The following SYMPK variants were observed in gnomAD, a reference collection of about 807,000 sequenced individuals.
The protein encoded by SYMPK is symplekin scaffold protein.
SYMPK carries 49 observed loss-of-function variants against 136.4 expected under a neutral mutation model. The observed-to-expected ratio is 0.36, with a 90% CI of 0.29 to 0.46. The LOEUF is 0.46. Ranked by LOEUF, SYMPK falls within the 20% of genes least tolerant of loss-of-function variation. The pLI is 1.00. For missense variants in SYMPK, 1,365 were observed against 1,690.0 expected (o/e 0.81, Z 3.37); for synonymous variants, 766 against 713.0 (o/e 1.07, Z -1.19).
At position 45,821,086 on chromosome 19, in the gene SYMPK, G is replaced by A. The variant is rs995187330; in HGVS notation, c.2893+298C>T. On this transcript the variant is annotated intron_variant, in intron 22 of 26. Coordinates refer to ENST00000245934, the MANE Select transcript of SYMPK (RefSeq NM_004819.3). The surrounding 1 kb of genome is among the most constrained non-coding windows in gnomAD (Gnocchi z 4.4). ...TCTGTTCCTCGGGGCTAGGGGTGGGGCTACCCAACTGCTTTAGGCCCACTC... is the reference window on the plus strand; with the variant it reads ...TCTGTTCCTCGGGGCTAGGGGTGGGACTACCCAACTGCTTTAGGCCCACTC... 4.6e-6 allele frequency: 3 copies of A among 648,490 alleles called. No homozygotes were observed. Among genetic ancestry groups the A allele is most frequent in the Non-Finnish European group, 8.3e-6 (3 of 361,126 alleles). The allele number at this position is 648,490 out of a possible 1,614,324, so 40.2% of individuals were successfully genotyped here.
chr19:45,821,528 G>T lies in SYMPK; in HGVS notation c.2792-43C>A. On this transcript the variant is annotated intron_variant, in intron 21 of 26. Coordinates refer to ENST00000245934, the MANE Select transcript of SYMPK (RefSeq NM_004819.3). The surrounding 1 kb of genome is among the most constrained non-coding windows in gnomAD (Gnocchi z 4.4). Reference sequence around the variant, plus strand: ...AAGGGTGGGGGAAGACAGTGCGGACGCATAAGTGAAGAGATGGGTCTGAGT... The same window carrying T: ...AAGGGTGGGGGAAGACAGTGCGGACTCATAAGTGAAGAGATGGGTCTGAGT... 7.2e-7 allele frequency: 1 copy of T among 1,389,434 alleles called. No homozygotes were observed. Among genetic ancestry groups the T allele is most frequent in the Non-Finnish European group, 1.0e-6 (1 of 982,720 alleles). 86.1% of individuals were successfully genotyped at this position (1,389,434 alleles called of 1,614,324 possible). A position where few individuals can be genotyped will look rare whatever the true frequency, so the allele number is the denominator to read the frequency against.
At chr19:45,820,873 C>A in intron 22 of SYMPK, 1 of 509,044 alleles carries the variant, frequency 2.0e-6, no homozygotes, top group East Asian at 3.4e-5. Flanking sequence ...GGCCTGTAGG[C>A]GTTCAGGGAG....
chr19:45,826,303 T>C lies in SYMPK; in HGVS notation c.2252A>G (p.Lys751Arg), dbSNP rs1356375891. ...GAGCTGCAGGTAGTTGAGGGCAAAT[T>C]TCTCCACATACTCCCGCAGCTGCTC... ...EKEQLREYVE[K>R]FALNYLQLLV... The change falls in exon 17 of 27, where the codon AAA (lysine) becomes AGA (arginine). Residue 751 changes from lysine (K) to arginine (R), a missense_variant. Around this residue, in one of 11 missense-constraint regions of SYMPK, gnomAD observed 92 missense variants for 198.6 expected, o/e 0.46. Transcript: ENST00000245934. 6.2e-7 allele frequency: 1 copy of C among 1,614,048 alleles called. No homozygotes were observed.
intron 10 of SYMPK, among the ~76,000 whole-genome samples, chr19:45,836,749 C>T (rs1297801072): frequency 2.0e-5 from 3 of 152,162 alleles, no homozygotes; most frequent in Admixed American, 6.5e-5. Context: ...AGCAATCCTC[C>T]TGCTTCAGCC....
Position 45,818,042 on chromosome 19 carries a change from T to A in SYMPK, c.2998A>T (p.Arg1000Trp). 1 of 1,572,488 alleles carries A rather than the reference T, an allele frequency of 6.4e-7. No homozygotes were observed. The highest frequency in any genetic ancestry group is 8.6e-7 in the Non-Finnish European group (1 of 1,158,842). Residue 1000 changes from arginine to tryptophan, a missense_variant, in exon 23 of 27, where the codon AGG becomes TGG. Coordinates refer to ENST00000245934, the MANE Select transcript of SYMPK (RefSeq NM_004819.3). Reference sequence around the variant, plus strand: ...ATGGTCAGGGACTGGATGACGGTCCTCATGAGCAGCATGGGCAGGGGGCTC... The same window carrying A: ...ATGGTCAGGGACTGGATGACGGTCCACATGAGCAGCATGGGCAGGGGGCTC... ...EQSPLPMLLM[R>W]TVIQSLTMYP... is the part of the protein sequence containing the mutation.
rs769512735 is a variant in SYMPK at position 45,821,344 on chromosome 19, G to A, written c.2893+40C>T. ...GTGACTGAGGTCCTGCCCTGGCGTC[G>A]CAGGGGCCAGGCCACTGGAGTGGGG... On this transcript the variant is annotated intron_variant, in intron 22 of 26. Coordinates refer to ENST00000245934, the MANE Select transcript of SYMPK (RefSeq NM_004819.3). The surrounding 1 kb of genome is among the most constrained non-coding windows in gnomAD (Gnocchi z 4.4). The A allele has an allele frequency of 4.7e-6, 7 of 1,491,730 alleles. No individual in the cohort carries two copies. The South Asian group carries it at 5.6e-5, about 12-fold the overall frequency. The allele number at this position is 1,491,730 out of a possible 1,614,324, so 92.4% of individuals were successfully genotyped here. A position where few individuals can be genotyped will look rare whatever the true frequency, so the allele number is the denominator to read the frequency against.
chr19:45,815,828 G>A (rs1191572943), intron 26 of SYMPK, 23 bp downstream of exon 26: 2 of 1,607,362 alleles, frequency 1.2e-6, no homozygotes, highest in South Asian at 1.1e-5. Flanking sequence ...TTCTTCCTTC[G>A]CAGCGGAGGC....
intron 11 of SYMPK, among the ~76,000 whole-genome samples, chr19:45,834,289 A>AAAAAC (rs1322228863): frequency 2.0e-5 from 3 of 151,204 alleles, no homozygotes; most frequent in South Asian, 2.1e-4. Context: ...CTGTGTCTCA[A>AAAAAC]AAAACAAAAC....
intron 13 of SYMPK, 32 bp from the exon 14 acceptor site, chr19:45,829,237 A>G: frequency 6.3e-7 from 1 of 1,592,082 alleles, no homozygotes; most frequent in Non-Finnish European, 8.6e-7. Context: ...ATGTCAGTGT[A>G]GGGTGGGCAA....
chr19:45,847,623 A>T (rs575585970), intron 7 of SYMPK, 129 bp downstream of exon 7: 1 of 1,137,740 alleles, frequency 8.8e-7, no homozygotes, highest in Non-Finnish European at 1.2e-6. Flanking sequence ...AGCACCAGGG[A>T]TCTTAACTAC....
At position 45,838,519 on chromosome 19, in the gene SYMPK, G is replaced by A. The variant is rs1304936919; in HGVS notation, c.1184C>T (p.Thr395Met). The A allele has an allele frequency of 5.0e-6, 8 of 1,614,092 alleles. No individual in the cohort carries two copies. The East Asian group carries it at 6.7e-5, about 13-fold the overall frequency. The change falls in exon 10 of 27, where the codon ACG becomes ATG. Residue 395 changes from threonine (T) to methionine (M), a missense_variant. Physicochemically the swap from Thr to Met is moderately conservative, Grantham distance 81. Coordinates refer to ENST00000245934, the MANE Select transcript of SYMPK (RefSeq NM_004819.3). ...CTGCAGGAACTCAGCTGTGATGTCC[G>A]TGTCTGACTGGCCGGAGATCTGCGC... ...ASAQISGQSD[T>M]DITAEFLQPL... is the part of the protein sequence containing the mutation.
intron 16 of SYMPK, 65 bp from the exon 17 acceptor site, chr19:45,826,438 C>G (rs932499863): frequency 1.3e-6 from 2 of 1,544,850 alleles, no homozygotes; most frequent in Non-Finnish European, 1.8e-6. Flanking sequence ...GCTATTCCTG[C>G]GAGCATGGCA....
intron 20 of SYMPK, 96 bp from the exon 21 acceptor site, chr19:45,822,942 A>G (rs12976060): frequency 0.85 from 884,072 of 1,042,714 alleles, 375,296 homozygotes; most frequent in African/African-American, 0.9. Context: ...TGGGGAGCTG[A>G]GGGCAAGCTC....
Position 45,838,567 on chromosome 19 carries a change from G to T in SYMPK, c.1136C>A (p.Pro379Gln), listed in dbSNP as rs752184648. The change falls in exon 10 of 27, where the codon CCG (proline) becomes CAG (glutamine). Residue 379 changes from proline (P) to glutamine (Q), a missense_variant. Physicochemically the swap from Pro to Gln is moderately conservative, Grantham distance 76. Around this residue, in one of 11 missense-constraint regions of SYMPK, gnomAD observed 111 missense variants for 141.2 expected, o/e 0.79. Coordinates refer to ENST00000245934, the MANE Select transcript of SYMPK (RefSeq NM_004819.3). ...DDEDKDLEPG[P>Q]SGTSKASAQI... ...CGCTGAGGCCTTCGAGGTCCCCGAC[G>T]GGCCTGGCTCCAAGTCTTTGTCCTC... 6.2e-7 allele frequency: 1 copy of T among 1,614,136 alleles called. No homozygotes were observed. Among genetic ancestry groups the T allele is most frequent in the Admixed American group, 1.7e-5 (1 of 60,010 alleles).
At chr19:45,832,777 A>G (rs1971212210) in intron 11 of SYMPK, among the ~76,000 whole-genome samples, 1 of 150,626 alleles carries the variant, frequency 6.6e-6, no homozygotes. Flanking sequence ...TAACAGGCCG[A>G]GGAGAGTGGA....
intron 25 of SYMPK, 26 bp from the exon 26 acceptor site, chr19:45,816,209 A>C: frequency 2.7e-6 from 4 of 1,456,202 alleles, no homozygotes; most frequent in Non-Finnish European, 3.7e-6. Flanking sequence ...GCCACACAGA[A>C]GCTCAGAGGT....
intron 14 of SYMPK, 93 bp from the exon 15 acceptor site, chr19:45,828,011 CCCT>C: frequency 1.7e-6 from 2 of 1,171,080 alleles, no homozygotes; most frequent in Non-Finnish European, 1.3e-6. Flanking sequence ...GGCCAGCAGG[CCCT>C]CCCTCAGGGG....
At chr19:45,817,661 T>C (rs1227370055) in intron 23 of SYMPK, among the ~76,000 whole-genome samples, 3 of 152,032 alleles carry the variant, frequency 2.0e-5, no homozygotes. Flanking sequence ...ATTTTTCAGC[T>C]CTGGGATGCA....
At chr19:45,852,630 G>T in intron 3 of SYMPK, 95 bp from the exon 4 acceptor site, 1 of 1,441,746 alleles carries the variant, frequency 6.9e-7, no homozygotes, top group Non-Finnish European at 9.7e-7. Context: ...ACAGCAGAGG[G>T]CTAGGCAGCA....
Sources: gnomAD v4.1 joint callset for allele counts (sites outside exome capture counted in the v4.1 genomes callset) on GRCh38, gnomAD v4.1.1 for gene constraint, gnomAD v4.1.1 regional missense constraint, Gnocchi (gnomAD v3.1) non-coding constraint, MANE v1.5 for transcripts, NCBI Gene and HGNC (gene_info 2026-07-23, HGNC 2026-07-21) for gene names.